The following COL16A1 variants were observed in gnomAD, a reference collection of about 807,000 sequenced individuals.
COL16A1 encodes collagen type XVI alpha 1 chain.
A neutral mutation model predicts 266.3 loss-of-function variants in COL16A1; 189 were observed. The ratio of observed to expected loss-of-function variants is 0.71; its 90% CI spans 0.63 to 0.80. The LOEUF is 0.80. COL16A1 is among the 30% of genes least tolerant of loss of function. The probability of loss-of-function intolerance (pLI) is 0.00; values close to 1 mark genes in which losing one functional copy is unlikely to be tolerated. For missense variants in COL16A1, 1,928 were observed against 2,122.4 expected, an observed-to-expected ratio of 0.91 and a Z score of 1.80; for synonymous variants, 740 against 782.3, an observed-to-expected ratio of 0.95 and a Z score of 0.90.
chr1:31,652,663 C>T lies in COL16A1; in HGVS notation c.4803G>A (p.Gly1601=). 1 of 1,578,464 alleles carries T rather than the reference C, an allele frequency of 6.3e-7. No homozygotes were observed. Among genetic ancestry groups the T allele is most frequent in the Non-Finnish European group, 8.6e-7 (1 of 1,167,452 alleles). Residue 1601 remains glycine (G), a synonymous_variant, in exon 71 of 71, where the codon GGG becomes GGA. Coordinates refer to ENST00000373672, the MANE Select transcript of COL16A1 (RefSeq NM_001856.4). This position sits in a 1 kb window ranked among gnomAD's most constrained non-coding sequence, Gnocchi z 4.8. ...QQYPPMKTMK[G]PFG ...CAGGTGGGGAATTTCAGCCAAAAGG[C>T]CCCTTCATGGTTTTCATGGGTGGGT...
intron 10 of COL16A1, 59 bp from the exon 11 acceptor site, chr1:31,695,280 A>C (rs1570582762): frequency 6.6e-7 from 1 of 1,518,728 alleles, no homozygotes; most frequent in East Asian, 2.3e-5. Flanking sequence ...AGCCCTCCCC[A>C]CCTCCATCAC....
intron 23 of COL16A1, 115 bp downstream of exon 23, chr1:31,689,626 T>C: frequency 1.2e-6 from 1 of 805,350 alleles, no homozygotes; most frequent in Non-Finnish European, 2.1e-6. Flanking sequence ...GCCCATAATC[T>C]CTCTGTAGCC....
chr1:31,680,941 A>G lies in COL16A1; in HGVS notation c.2584-10T>C, dbSNP rs756232899. On this transcript the variant is annotated splice_polypyrimidine_tract_variant and intron_variant, in intron 38 of 70. Coordinates refer to ENST00000373672, the MANE Select transcript of COL16A1 (RefSeq NM_001856.4). ...GTGGTCCTTTTTCACCCTGCAGGGA[A>G]GAAACACAGGAAGGTGAGCAGATAG... The G allele has an allele frequency of 1.9e-5, 31 of 1,614,060 alleles. No homozygotes were observed. Among genetic ancestry groups the G allele is most frequent in the Non-Finnish European group, 2.6e-5 (31 of 1,180,018 alleles).
Position 31,656,695 on chromosome 1 carries a change from G to C in COL16A1, c.4057-251C>G, listed in dbSNP as rs1313453418. Among the ~76,000 whole-genome samples, 3 of 152,172 alleles carry C rather than the reference G, an allele frequency of 2.0e-5. No individual in the cohort carries two copies. The highest frequency in any genetic ancestry group is 7.2e-5 in the African/African-American group (3 of 41,442). Reference sequence around the variant, plus strand: ...ATGAAGAGAGGCGAGAAGTCAGAATGAGAGGGCCAGTCTGTGGCATACTGG... The same window carrying C: ...ATGAAGAGAGGCGAGAAGTCAGAATCAGAGGGCCAGTCTGTGGCATACTGG... On this transcript the variant is annotated intron_variant, in intron 65 of 70. Coordinates refer to ENST00000373672, the MANE Select transcript of COL16A1 (RefSeq NM_001856.4). The surrounding 1 kb of genome is among the most constrained non-coding windows in gnomAD (Gnocchi z 4.2).
intron 67 of COL16A1, 106 bp from the exon 68 acceptor site, chr1:31,654,964 AC>A: frequency 1.6e-6 from 1 of 611,522 alleles, no homozygotes; most frequent in Non-Finnish European, 2.5e-6. Context: ...GGAGCCTCCC[AC>A]AGATTCTTTT....
In COL16A1 at chr1:31,697,621, G is replaced by C. The variant is rs187537303; in HGVS notation, c.657+285C>G. On this transcript the variant is annotated intron_variant, in intron 6 of 70. Coordinates refer to ENST00000373672, the MANE Select transcript of COL16A1 (RefSeq NM_001856.4). This position sits in a 1 kb window ranked among gnomAD's most constrained non-coding sequence, Gnocchi z 4.2. ...GAGGTAACAGCGTAGGCAAAGGCAC[G>C]GCAGTGTGAAAGCACTGGGTGCGCT... Among the ~76,000 whole-genome samples, 1 of 152,178 alleles carries C rather than the reference G, an allele frequency of 6.6e-6. No individual in the cohort carries two copies. The highest frequency in any genetic ancestry group is 2.4e-5 in the African/African-American group (1 of 41,444).
At chr1:31,654,968 A>ATT in intron 67 of COL16A1, 110 bp from the exon 68 acceptor site, 54 of 435,348 alleles carry the variant, frequency 1.2e-4, no homozygotes, top group South Asian at 8.1e-4. Context: ...CCTCCCACAG[A>ATT]TTCTTTTTTT....
chr1:31,672,381 C>A (rs1320154399), intron 47 of COL16A1, 35 bp downstream of exon 47: 1 of 1,612,122 alleles, frequency 6.2e-7, no homozygotes, highest in Admixed American at 1.7e-5. Flanking sequence ...AGGGCCCCAG[C>A]TCCCTTGAGG....
rs987203406 is a variant in COL16A1, at chr1:31,654,705, G to C, written c.4357+87C>G. On this transcript the variant is annotated intron_variant, in intron 68 of 70. Coordinates refer to ENST00000373672, the MANE Select transcript of COL16A1 (RefSeq NM_001856.4). The stretch of plus-strand genomic sequence containing the variant: ...GGGTGAGAGCAGGAGGACATTGAGC[G>C]TTAAGGAGAAAGAGGCCAAGGCAGG... 1.9e-6 allele frequency: 3 copies of C among 1,607,414 alleles called. No individual in the cohort carries two copies. In the African/African-American group the frequency reaches 4.0e-5, roughly 22 times the overall value.
At position 31,681,073 on chromosome 1, in the gene COL16A1, G is replaced by A. The variant is rs1408124188; in HGVS notation, c.2539-6C>T. The A allele has an allele frequency of 6.2e-7, 1 of 1,611,100 alleles. No individual in the cohort carries two copies. Among genetic ancestry groups the A allele is most frequent in the Non-Finnish European group, 8.5e-7 (1 of 1,178,742 alleles). ...CCTTGCTGCCCATCACGGCCCTGAA[G>A]AGAGAGAGCCCAGAGTCAGAGGGTG... On this transcript the variant is annotated splice_region_variant and splice_polypyrimidine_tract_variant and intron_variant, in intron 37 of 70. Coordinates refer to ENST00000373672, the MANE Select transcript of COL16A1 (RefSeq NM_001856.4).
At chr1:31,694,076 C>A in intron 12 of COL16A1, 68 bp downstream of exon 12, 1 of 1,454,582 alleles carries the variant, frequency 6.9e-7, no homozygotes, top group South Asian at 1.2e-5. Context: ...GCCACAGGGT[C>A]ACATGCTGTG....
At chr1:31,666,124 G>C in intron 52 of COL16A1, 43 bp from the exon 53 acceptor site, 1 of 1,589,124 alleles carries the variant, frequency 6.3e-7, no homozygotes, top group Non-Finnish European at 8.6e-7. Flanking sequence ...CTCCTGGGGA[G>C]GTGAAGGATG....
chr1:31,675,491 C>G (rs537829094), intron 42 of COL16A1, among the ~76,000 whole-genome samples, 180 bp from the exon 43 acceptor site: 1 of 152,264 alleles, frequency 6.6e-6, no homozygotes, highest in South Asian at 2.1e-4. Context: ...ATAGGGAAAG[C>G]CAGGGAGGCC....
In COL16A1 at chr1:31,691,645, G is replaced by GT. The variant is rs764362785; in HGVS notation, c.1258-4dup. On this transcript the variant is annotated splice_region_variant and splice_polypyrimidine_tract_variant and intron_variant, in intron 17 of 70. Transcript: ENST00000373672. ...ACACAGATCTCTCCTGGCCGGCCCT[G>GT]TGGGGGGATAAGGGGGAGGGTGTAC... 6.2e-6 allele frequency: 10 copies of GT among 1,613,250 alleles called. No homozygotes were observed. The highest frequency in any genetic ancestry group is 2.7e-5 in the African/African-American group (2 of 74,928).
chr1:31,691,387 G>A (rs752908106), intron 19 of COL16A1, 30 bp downstream of exon 19: 20 of 1,598,076 alleles, frequency 1.3e-5, no homozygotes, highest in African/African-American at 4.0e-5. Flanking sequence ...TCTGAGAAAA[G>A]CACAGCAGGA....
chr1:31,683,420 C>T, intron 34 of COL16A1, 51 bp from the exon 35 acceptor site: 3 of 1,612,666 alleles, frequency 1.9e-6, no homozygotes, highest in South Asian at 2.2e-5. Context: ...GCCAACCTGC[C>T]CCACTGGCCC....
chr1:31,654,971 C>CAT, intron 67 of COL16A1, 113 bp from the exon 68 acceptor site: 1 of 411,826 alleles, frequency 2.4e-6, no homozygotes, highest in Non-Finnish European at 3.4e-6. Context: ...CCCACAGATT[C>CAT]TTTTTTTTTT....
Position 31,699,856 on chromosome 1 carries a change from G to C in COL16A1, c.223C>G (p.Leu75Val). The change falls in exon 4 of 71, where the codon CTC becomes GTC. Residue 75 changes from leucine (L) to valine (V), a missense_variant. Leu to Val is a conservative substitution (Grantham distance 32). This residue lies in a region of COL16A1 where 1,552 missense variants were observed against 1,637.2 expected (regional missense o/e 0.95). Coordinates refer to ENST00000373672, the MANE Select transcript of COL16A1 (RefSeq NM_001856.4). ...GGGGCCGCCCCCAGGCGCAGGATGA[G>C]AGGCCCCTTGGGGTTGCGGATCTTC... ...IKKIRNPKGP[L>V]ILRLGAAPVT... 6.2e-7 allele frequency: 1 copy of C among 1,614,076 alleles called. No homozygotes were observed. The highest frequency in any genetic ancestry group is 8.5e-7 in the Non-Finnish European group (1 of 1,179,926).
intron 21 of COL16A1, 21 bp downstream of exon 21, chr1:31,690,508 C>T (rs758048680): frequency 2.8e-5 from 45 of 1,613,954 alleles, no homozygotes; most frequent in Admixed American, 1.7e-4. Context: ...GACCCTCCCC[C>T]GCTGGATTGG....
Sources: allele counts gnomAD v4.1 joint callset (sites outside exome capture counted in the v4.1 genomes callset), GRCh38; gene constraint gnomAD v4.1.1; regional missense constraint gnomAD v4.1.1; non-coding constraint Gnocchi (gnomAD v3.1); transcripts MANE v1.5; gene names NCBI Gene and HGNC (gene_info 2026-07-23, HGNC 2026-07-21).